Variants in INTS6 observed in about 807,000 individuals in gnomAD.
INTS6 encodes integrator complex subunit 6, also known as DEAD box protein.
A neutral mutation model predicts 104.9 loss-of-function variants in INTS6; 16 were observed. The observed-to-expected ratio is 0.15, with a 90% confidence interval of 0.10 to 0.23. The LOEUF (loss-of-function observed/expected upper bound fraction) is 0.23. Ranked by LOEUF, INTS6 falls within the 10% of genes least tolerant of loss-of-function variation. The pLI is 1.00. For missense variants in INTS6, 584 were observed against 1,062.8 expected (o/e 0.55, Z 6.26); for synonymous variants, 324 against 358.7 (o/e 0.90, Z 1.09).
At chr13:51,355,071 A>G in intron 3 of INTS6, 3 of 1,547,230 alleles carry the variant, frequency 1.9e-6, no homozygotes, top group Non-Finnish European at 2.6e-6. Context: ...ATTCAACTTA[A>G]AAAGCATTTT....
At chr13:51,387,590 A>T in intron 6 of INTS6, 50 bp from the exon 7 acceptor site, 1 of 1,374,418 alleles carries the variant, frequency 7.3e-7, no homozygotes, top group Non-Finnish European at 9.7e-7. Context: ...AAGGGGGGAT[A>T]AGCATAAAAA....
chr13:51,359,729 T>C (rs116071990), downstream of INTS6, among the ~76,000 whole-genome samples: 11 of 152,260 alleles, frequency 7.2e-5, no homozygotes, highest in Admixed American at 6.5e-4. Flanking sequence ...TATATAGTCA[T>C]GAAGTCTCGG....
the INTS6 span, chr13:51,347,341 G>T: frequency 1.0e-6 from 1 of 956,024 alleles, no homozygotes; most frequent in Non-Finnish European, 1.6e-6. Flanking sequence ...ATGTGTTTCC[G>T]CAGGGTCCAT....
the INTS6 span, chr13:51,344,629 A>C: frequency 1.5e-6 from 1 of 668,742 alleles, no homozygotes; most frequent in African/African-American, 1.8e-5. Flanking sequence ...CCTACCCTTG[A>C]ATGACAAGGG....
intron 4 of INTS6, chr13:51,421,056 G>T: frequency 5.1e-6 from 4 of 791,340 alleles, no homozygotes; most frequent in Non-Finnish European, 6.1e-6. Context: ...TGTTGAATCA[G>T]ATTCTCCAAC....
At position 51,452,178 on chromosome 13, in the gene INTS6, C is replaced by A; in HGVS notation, c.112-123G>T. On this transcript the variant is annotated intron_variant, in intron 1 of 17. Coordinates refer to ENST00000311234, the MANE Select transcript of INTS6 (RefSeq NM_012141.3). This position sits in a 1 kb window ranked among gnomAD's most constrained non-coding sequence, Gnocchi z 4.2. The stretch of plus-strand genomic sequence containing the variant: ...AGTACCGCACACGCAGCGGCCACCC[C>A]TCCACGCCGTCCCCCACACACAGAT... 1 of 939,262 alleles carries A rather than the reference C, an allele frequency of 1.1e-6. No individual in the cohort carries two copies. The highest frequency in any genetic ancestry group is 1.5e-5 in the South Asian group (1 of 67,676). 58.2% of individuals were successfully genotyped at this position (939,262 alleles called of 1,614,324 possible).
At chr13:51,340,070 T>C in the INTS6 span, among the ~76,000 whole-genome samples, 3 of 152,208 alleles carry the variant, frequency 2.0e-5, no homozygotes, top group Admixed American at 6.5e-5. Flanking sequence ...ACCATCGTGC[T>C]CAGTGGCCTT....
At chr13:51,339,470 C>T in the INTS6 span, 1 of 152,306 alleles carries the variant, frequency 6.6e-6, no homozygotes, top group South Asian at 2.1e-4. Flanking sequence ...GGCTGGCTCT[C>T]CCCCCACGGC....
Position 51,452,597 on chromosome 13 carries a change from G to A in INTS6, c.-72C>T. 4 of 1,550,924 alleles carry A rather than the reference G, an allele frequency of 2.6e-6. No homozygotes were observed. Among genetic ancestry groups the A allele is most frequent in the Middle Eastern group, 2.2e-4 (1 of 4,626 alleles). ...GATGGTAGAGGTGGAGGCGCCGGTG[G>A]CGGCGACCGCCGCTACGCGGGGCGG... On this transcript the variant is annotated 5_prime_UTR_variant, in exon 1 of 18. Transcript: ENST00000311234. The surrounding 1 kb of genome is among the most constrained non-coding windows in gnomAD (Gnocchi z 4.2).
intron 3 of INTS6, among the ~76,000 whole-genome samples, chr13:51,434,465 G>A (rs1221615280): frequency 6.6e-6 from 1 of 152,022 alleles, no homozygotes; most frequent in Non-Finnish European, 1.5e-5. Context: ...CATCCTCATT[G>A]TACCAATTAT....
chr13:51,429,785 A>AAAAAATATAT (rs1156333077), intron 4 of INTS6, among the ~76,000 whole-genome samples: 6 of 92,380 alleles, frequency 6.5e-5, no homozygotes, highest in African/African-American at 2.8e-4. Flanking sequence ...AAAAAAAAAA[A>AAAAAATATAT]ATATATATAT....
chr13:51,344,334 C>T, the INTS6 span: 1 of 1,613,982 alleles, frequency 6.2e-7, no homozygotes, highest in Non-Finnish European at 8.5e-7. Context: ...AGCTGGCCTG[C>T]AGCCTTTTTG....
chr13:51,397,868 A>AT (rs1413545816), intron 4 of INTS6, among the ~76,000 whole-genome samples: 2 of 152,096 alleles, frequency 1.3e-5, no homozygotes, highest in African/African-American at 4.8e-5. Flanking sequence ...AATGATGAGC[A>AT]TCTGCAACGC....
chr13:51,423,686 T>C (rs1374228685), intron 4 of INTS6, among the ~76,000 whole-genome samples: 1 of 152,052 alleles, frequency 6.6e-6, no homozygotes, highest in Non-Finnish European at 1.5e-5. Flanking sequence ...GCCAGTTCCA[T>C]ATCCCTTGGA....
At chr13:51,404,309 A>C (rs905154965) in intron 4 of INTS6, among the ~76,000 whole-genome samples, 9 of 147,918 alleles carry the variant, frequency 6.1e-5, no homozygotes, top group Admixed American at 2.7e-4. Flanking sequence ...AAAAAAAAAA[A>C]CAAAACTGTG....
the INTS6 span, chr13:51,340,949 G>T: frequency 4.7e-6 from 4 of 857,370 alleles, no homozygotes; most frequent in Non-Finnish European, 7.2e-6. Context: ...ACAGCTCAAT[G>T]CATCTCTCCC....
chr13:51,388,651 C>T (rs1268738496), intron 6 of INTS6, among the ~76,000 whole-genome samples: 1 of 152,174 alleles, frequency 6.6e-6, no homozygotes, highest in Non-Finnish European at 1.5e-5. Flanking sequence ...CCTTGGCCTC[C>T]CAAAGTGCTA....
chr13:51,386,268 AC>A (rs1487423742), intron 7 of INTS6, among the ~76,000 whole-genome samples: 2 of 152,210 alleles, frequency 1.3e-5, no homozygotes, highest in East Asian at 3.8e-4. Context: ...TTCCATTACA[AC>A]TCAGGTACTG....
chr13:51,352,417 G>T (rs968465046), downstream of INTS6, among the ~76,000 whole-genome samples: 1 of 149,636 alleles, frequency 6.7e-6, no homozygotes, highest in Admixed American at 6.7e-5. Context: ...ATTGATTTTT[G>T]TATCTTAATC....
Sources: gnomAD v4.1 joint callset for allele counts (sites outside exome capture counted in the v4.1 genomes callset) on GRCh38, gnomAD v4.1.1 for gene constraint, Gnocchi (gnomAD v3.1) non-coding constraint, MANE v1.5 for transcripts, NCBI Gene and HGNC (gene_info 2026-07-23, HGNC 2026-07-21) for gene names.